The following ADNP2 variants were observed in gnomAD, a reference collection of about 807,000 sequenced individuals.
ADNP2 encodes ADNP homeobox 2, also known as activity-dependent neuroprotector homeobox protein 2.
Under a neutral mutation model 16.4 loss-of-function variants are expected in ADNP2, and 8 were observed. That is an observed-to-expected ratio of 0.49 (90% CI 0.29 to 0.88). The LOEUF is 0.88. Among genes scored for constraint, ADNP2 ranks in the 40% least tolerant of loss-of-function variants. The pLI is 0.09. For missense variants in ADNP2, 1,397 were observed against 1,395.1 expected, an observed-to-expected ratio of 1.00 and a Z score of -0.02; for synonymous variants, 637 against 545.8, an observed-to-expected ratio of 1.17 and a Z score of -2.33.
intron 1 of ADNP2, among the ~76,000 whole-genome samples, chr18:80,114,339 TA>T (rs1370471276): frequency 6.6e-6 from 1 of 152,248 alleles, no homozygotes; most frequent in African/African-American, 2.4e-5. Flanking sequence ...TTTGACATTT[TA>T]AATGGCATTT....
intron 1 of ADNP2, 31 bp downstream of exon 1, chr18:80,109,503 C>T (rs2052342372): frequency 6.8e-6 from 1 of 147,668 alleles, no homozygotes; most frequent in South Asian, 2.1e-4. Context: ...CGCGGGCCCG[C>T]GCGGCGACGC....
At chr18:80,117,795 T>A in intron 2 of ADNP2, 145 bp downstream of exon 2, 1 of 589,112 alleles carries the variant, frequency 1.7e-6, no homozygotes, top group Non-Finnish European at 2.9e-6. Flanking sequence ...TATTTATGTC[T>A]TTATGACATA....
Position 80,138,298 on chromosome 18 carries a change from T to A in ADNP2, c.2885T>A (p.Leu962His). ...QPGFIHNSEL[L>H]LVSGEVMHDS... ...GGTTTTATTCACAACAGTGAACTGC[T>A]TTTAGTCAGTGGTGAAGTGATGCAT... Residue 962 changes from leucine to histidine, a missense_variant, in exon 4 of 4, where the codon CTT becomes CAT. Physicochemically the swap from Leu to His is moderately conservative, Grantham distance 99. This residue lies in a region of ADNP2 where 611 missense variants were observed against 648.7 expected (regional missense o/e 0.94). Transcript: ENST00000262198. 6.2e-7 allele frequency: 1 copy of A among 1,614,120 alleles called. No homozygotes were observed. Among genetic ancestry groups the A allele is most frequent in the East Asian group, 2.2e-5 (1 of 44,880 alleles).
chr18:80,136,259 T>C lies in ADNP2; in HGVS notation c.846T>C (p.Ala282=). Residue 282 remains alanine (A), a synonymous_variant, in exon 4 of 4, where the codon GCT becomes GCC. Coordinates refer to ENST00000262198, the MANE Select transcript of ADNP2 (RefSeq NM_014913.4). ...AHLAAPANGS[A]PSAPAQPPCF... ...TGGCTGCACCAGCAAATGGCAGTGCTCCAAGCGCTCCAGCGCAGCCTCCTT... is the reference window on the plus strand; with the variant it reads ...TGGCTGCACCAGCAAATGGCAGTGCCCCAAGCGCTCCAGCGCAGCCTCCTT... 6.2e-7 allele frequency: 1 copy of C among 1,614,142 alleles called. No homozygotes were observed. Among genetic ancestry groups the C allele is most frequent in the South Asian group, 1.1e-5 (1 of 91,090 alleles).
chr18:80,137,469 G>C lies in ADNP2; in HGVS notation c.2056G>C (p.Val686Leu), dbSNP rs1291138511. 6.2e-7 allele frequency: 1 copy of C among 1,614,212 alleles called. No homozygotes were observed. Among genetic ancestry groups the C allele is most frequent in the Non-Finnish European group, 8.5e-7 (1 of 1,180,046 alleles). The change falls in exon 4 of 4, where the codon GTG becomes CTG. Residue 686 changes from valine (V) to leucine (L), a missense_variant. Val to Leu is a conservative substitution (Grantham distance 32). Coordinates refer to ENST00000262198, the MANE Select transcript of ADNP2 (RefSeq NM_014913.4). This position sits in a 1 kb window ranked among gnomAD's most constrained non-coding sequence, Gnocchi z 4.2. ...ASSSAADTNQ[V>L]LKQAKQWKTC... is the part of the protein sequence containing the mutation. The stretch of plus-strand genomic sequence containing the variant: ...CTCCTCTGCAGCAGACACAAACCAG[G>C]TGCTCAAACAGGCCAAGCAGTGGAA...
At chr18:80,110,133 G>A (rs2052348411) in intron 1 of ADNP2, 1 of 152,156 alleles carries the variant, frequency 6.6e-6, no homozygotes, top group Non-Finnish European at 1.5e-5. Context: ...CTTTTGATGC[G>A]AATATCAATA....
chr18:80,114,545 A>G (rs2052377319), intron 1 of ADNP2, among the ~76,000 whole-genome samples: 2 of 152,200 alleles, frequency 1.3e-5, no homozygotes, highest in South Asian at 4.1e-4. Flanking sequence ...ACATTACCCT[A>G]AATACTACAA....
At chr18:80,111,909 A>G (rs959360496) in intron 1 of ADNP2, among the ~76,000 whole-genome samples, 15 of 152,100 alleles carry the variant, frequency 9.9e-5, no homozygotes, top group African/African-American at 3.6e-4. Flanking sequence ...TCATTATACT[A>G]AAAAATCCCC....
rs1323425831 is a variant in ADNP2, at chr18:80,133,160, G to A, written c.166G>A (p.Val56Ile). The A allele has an allele frequency of 3.7e-6, 6 of 1,613,564 alleles. No homozygotes were observed. In the Admixed American group the frequency reaches 6.7e-5, roughly 18 times the overall value. Residue 56 changes from valine (V) to isoleucine (I), a missense_variant, in exon 3 of 4, where the codon GTT becomes ATT. Around this residue, in one of 3 missense-constraint regions of ADNP2, gnomAD observed 777 missense variants for 719.4 expected, o/e 1.08. Transcript: ENST00000262198. ...CTTTCATAACACATCATGGGGTGAT[G>A]TTTCTCTCTGGGAACCTTCTGGAAA... ...KYFHNTSWGD[V>I]SLWEPSGKKV...
intron 2 of ADNP2, among the ~76,000 whole-genome samples, chr18:80,128,740 A>G (rs754168752): frequency 7.2e-5 from 11 of 152,218 alleles, no homozygotes; most frequent in Non-Finnish European, 1.3e-4. Flanking sequence ...TAAGCTACAT[A>G]CTAGCGTAGA....
chr18:80,134,414 TGTGTGAGA>T (rs1214945665), intron 3 of ADNP2, among the ~76,000 whole-genome samples: 20 of 145,538 alleles, frequency 1.4e-4, no homozygotes, highest in Admixed American at 2.1e-4. Context: ...TGTGTGTGTG[TGTGTGAGA>T]GAGAGTGATA....
chr18:80,125,933 A>G (rs2052455769), intron 2 of ADNP2, among the ~76,000 whole-genome samples: 1 of 152,232 alleles, frequency 6.6e-6, no homozygotes, highest in South Asian at 2.1e-4. Flanking sequence ...GAGAGACTCT[A>G]CAGGCAGCAA....
chr18:80,131,877 A>G (rs1422112317), intron 2 of ADNP2, among the ~76,000 whole-genome samples: 2 of 152,162 alleles, frequency 1.3e-5, no homozygotes, highest in Non-Finnish European at 2.9e-5. Flanking sequence ...GAGGGATAGC[A>G]TTAGGAGAAA....
At chr18:80,134,504 G>T (rs1173616719) in intron 3 of ADNP2, among the ~76,000 whole-genome samples, 1 of 151,968 alleles carries the variant, frequency 6.6e-6, no homozygotes, top group East Asian at 1.9e-4. Flanking sequence ...GCCAGCTCTG[G>T]GGCTTTAGAT....
chr18:80,131,652 A>G (rs1163815785), intron 2 of ADNP2, among the ~76,000 whole-genome samples: 2 of 151,372 alleles, frequency 1.3e-5, no homozygotes, highest in East Asian at 2.0e-4. Context: ...GTATACATGT[A>G]CCAATACTAT....
intron 2 of ADNP2, among the ~76,000 whole-genome samples, chr18:80,130,751 C>A (rs1482592478): frequency 6.6e-6 from 1 of 151,176 alleles, no homozygotes; most frequent in Non-Finnish European, 1.5e-5. Context: ...CCCCCCCGCC[C>A]ACGTCAGGTC....
At chr18:80,123,675 C>T (rs961915896) in intron 2 of ADNP2, among the ~76,000 whole-genome samples, 16 of 151,816 alleles carry the variant, frequency 1.1e-4, no homozygotes, top group African/African-American at 3.6e-4. Context: ...GGCCCCTCCT[C>T]TTCTATTTTT....
At position 80,138,420 on chromosome 18, in the gene ADNP2, G is replaced by C. The variant is rs755347851; in HGVS notation, c.3007G>C (p.Asp1003His). The change falls in exon 4 of 4, where the codon GAT becomes CAT. Residue 1003 changes from aspartate to histidine, a missense_variant. Transcript: ENST00000262198. ...GEEQPPILNADAAPGPEKVTS... is the reference protein window; with the variant it reads ...GEEQPPILNAHAAPGPEKVTS... ...GGAGCAGCCTCCCATCCTAAATGCCGATGCAGCCCCGGGTCCAGAAAAGGT... is the reference window on the plus strand; with the variant it reads ...GGAGCAGCCTCCCATCCTAAATGCCCATGCAGCCCCGGGTCCAGAAAAGGT... 2.1e-5 allele frequency: 34 copies of C among 1,613,922 alleles called. No homozygotes were observed. The East Asian group carries it at 7.1e-4, about 34-fold the overall frequency.
At chr18:80,113,402 C>T (rs2052369890) in intron 1 of ADNP2, among the ~76,000 whole-genome samples, 2 of 152,170 alleles carry the variant, frequency 1.3e-5, no homozygotes, top group African/African-American at 2.4e-5. Context: ...TATGTTAACC[C>T]TTTCTGCCTC....
Sources: allele counts gnomAD v4.1 joint callset (sites outside exome capture counted in the v4.1 genomes callset), GRCh38; gene constraint gnomAD v4.1.1; regional missense constraint gnomAD v4.1.1; non-coding constraint Gnocchi (gnomAD v3.1); transcripts MANE v1.5; gene names NCBI Gene and HGNC (gene_info 2026-07-23, HGNC 2026-07-21).